SLC14A2: variants seen among roughly 807,000 people sequenced by gnomAD.
SLC14A2 encodes urea transporter 2.
Under a neutral mutation model 104.6 loss-of-function variants are expected in SLC14A2, and 91 were observed. The observed-to-expected ratio is 0.87, with a 90% CI of 0.73 to 1.04. The LOEUF is 1.04. SLC14A2 is among the 50% of genes least tolerant of loss of function. SLC14A2 has a pLI of 0.00. For synonymous variants in SLC14A2, 476 were observed against 466.4 expected, an observed-to-expected ratio of 1.02 and a Z score of -0.27; for missense variants, 1,189 against 1,156.0, an observed-to-expected ratio of 1.03 and a Z score of -0.41.
At chr18:45,499,149 C>T (rs569076858) in intron 2 of SLC14A2, among the ~76,000 whole-genome samples, 1 of 152,324 alleles carries the variant, frequency 6.6e-6, no homozygotes, top group South Asian at 2.1e-4. Context: ...ACCAGACTCA[C>T]TGGTTGTTTT....
intron 2 of SLC14A2, among the ~76,000 whole-genome samples, chr18:45,523,555 T>C (rs1271555348): frequency 6.6e-6 from 1 of 151,304 alleles, no homozygotes. Flanking sequence ...CAAGATGGTC[T>C]TGATCTCCTG....
intron 2 of SLC14A2, among the ~76,000 whole-genome samples, chr18:45,521,181 G>A (rs2043511428): frequency 6.6e-6 from 1 of 152,204 alleles, no homozygotes; most frequent in Admixed American, 6.5e-5. Flanking sequence ...TAACCTGATA[G>A]GGACTCAATG....
At chr18:45,628,359 G>A (rs1202326682) in intron 4 of SLC14A2, among the ~76,000 whole-genome samples, 1 of 150,172 alleles carries the variant, frequency 6.7e-6, no homozygotes, top group Non-Finnish European at 1.5e-5. Context: ...CAGGAGAATT[G>A]CTTGAACCCG....
At chr18:45,627,728 G>T (rs1411332547) in intron 4 of SLC14A2, among the ~76,000 whole-genome samples, 1 of 152,120 alleles carries the variant, frequency 6.6e-6, no homozygotes, top group Non-Finnish European at 1.5e-5. Context: ...AATAACAAGG[G>T]CCAGGCACGG....
chr18:45,533,614 G>C (rs1263264593), intron 2 of SLC14A2, among the ~76,000 whole-genome samples: 1 of 152,040 alleles, frequency 6.6e-6, no homozygotes, highest in South Asian at 2.1e-4. Context: ...TCTTGCTAGT[G>C]GTCTATCAAT....
Position 45,666,202 on chromosome 18 carries a change from C to A in SLC14A2, c.1540C>A (p.Pro514Thr). The A allele has an allele frequency of 6.2e-7, 1 of 1,612,830 alleles. No homozygotes were observed. The highest frequency in any genetic ancestry group is 2.2e-5 in the East Asian group (1 of 44,872). Residue 514 changes from proline (P) to threonine (T), a missense_variant, in exon 12 of 20, where the codon CCC becomes ACC. Pro to Thr is a conservative substitution (Grantham distance 38). Transcript: ENST00000255226. ...KDPFPYRYRK[P>T]TVELLDLDTM... ...CCCATTTCCCTATCGATACCGGAAG[C>A]CCACAGTCGAGCTGCTTGTGAGTAC...
At chr18:45,371,452 A>G (rs927567583) in intron 1 of SLC14A2, among the ~76,000 whole-genome samples, 1 of 152,232 alleles carries the variant, frequency 6.6e-6, no homozygotes, top group African/African-American at 2.4e-5. Context: ...CCCTAACACC[A>G]TACTAAACTA....
At chr18:45,190,315 A>G in the SLC14A2 span, among the ~76,000 whole-genome samples, 28 of 152,356 alleles carry the variant, frequency 1.8e-4, no homozygotes, top group African/African-American at 6.5e-4. Flanking sequence ...TTCTGGGGAT[A>G]GACAAATAAA....
At chr18:45,194,643 A>ATTTT in the SLC14A2 span, among the ~76,000 whole-genome samples, 1,858 of 108,708 alleles carry the variant, frequency 0.017, 68 homozygotes, top group African/African-American at 0.023. Flanking sequence ...TTGGTCTGTA[A>ATTTT]TTTTTTTTTT....
chr18:45,339,827 G>A (rs1229339422), intron 1 of SLC14A2, among the ~76,000 whole-genome samples: 1 of 152,198 alleles, frequency 6.6e-6, no homozygotes, highest in African/African-American at 2.4e-5. Context: ...TTGTCCAAAG[G>A]GGGACACTTC....
chr18:45,290,045 C>G (rs919217912), intron 1 of SLC14A2, among the ~76,000 whole-genome samples: 4 of 152,080 alleles, frequency 2.6e-5, no homozygotes, highest in African/African-American at 9.7e-5. Context: ...CTCATCTTCC[C>G]TCTCTCATTG....
At chr18:45,398,163 C>A (rs866954733) in intron 1 of SLC14A2, among the ~76,000 whole-genome samples, 1 of 152,228 alleles carries the variant, frequency 6.6e-6, no homozygotes, top group African/African-American at 2.4e-5. Context: ...AGGCAAGGCC[C>A]ACACAGCTTA....
chr18:45,228,207 A>C (rs1011375362), intron 1 of SLC14A2, among the ~76,000 whole-genome samples: 2 of 152,200 alleles, frequency 1.3e-5, no homozygotes, highest in African/African-American at 4.8e-5. Context: ...GTTGAATTTT[A>C]TTTTGGTTAA....
At chr18:45,488,607 C>T (rs1056040562) in intron 2 of SLC14A2, among the ~76,000 whole-genome samples, 2 of 152,174 alleles carry the variant, frequency 1.3e-5, no homozygotes, top group African/African-American at 4.8e-5. Flanking sequence ...TCATCTGGCC[C>T]ATGAATGTCA....
intron 2 of SLC14A2, among the ~76,000 whole-genome samples, chr18:45,512,869 C>A (rs970646612): frequency 1.5e-4 from 23 of 152,158 alleles, no homozygotes; most frequent in African/African-American, 5.1e-4. Context: ...TCTCAGCAAC[C>A]AGTACCGTGG....
At chr18:45,534,127 G>C (rs1216800548) in intron 2 of SLC14A2, among the ~76,000 whole-genome samples, 1 of 152,188 alleles carries the variant, frequency 6.6e-6, no homozygotes, top group Non-Finnish European at 1.5e-5. Flanking sequence ...AAGGTGCTTT[G>C]AGTGTGAGGA....
At chr18:45,566,694 AC>A (rs1240436179) in intron 2 of SLC14A2, among the ~76,000 whole-genome samples, 1 of 152,212 alleles carries the variant, frequency 6.6e-6, no homozygotes, top group Admixed American at 6.5e-5. Context: ...TTCAATACTT[AC>A]AGCTCTTGCT....
At chr18:45,430,238 A>G (rs930325531) in intron 1 of SLC14A2, among the ~76,000 whole-genome samples, 4 of 152,260 alleles carry the variant, frequency 2.6e-5, no homozygotes, top group African/African-American at 7.2e-5. Context: ...CAAATCACAT[A>G]GTTGGTTAGT....
At chr18:45,329,420 C>A (rs575545120) in intron 1 of SLC14A2, among the ~76,000 whole-genome samples, 1 of 152,258 alleles carries the variant, frequency 6.6e-6, no homozygotes, top group South Asian at 2.1e-4. Flanking sequence ...CTTCAAATAA[C>A]CATCAATTTG....
Sources: allele counts gnomAD v4.1 joint callset (sites outside exome capture counted in the v4.1 genomes callset), GRCh38; gene constraint gnomAD v4.1.1; transcripts MANE v1.5; gene names NCBI Gene and HGNC (gene_info 2026-07-23, HGNC 2026-07-21).